Variants in SYNRG observed in about 807,000 individuals in gnomAD.
SYNRG encodes AP1 gamma subunit binding protein 1.
In SYNRG, 37 loss-of-function variants were observed where a neutral mutation model predicts 130.9. The ratio of observed to expected loss-of-function variants is 0.28; its 90% CI spans 0.22 to 0.37. The LOEUF is 0.37. Ranked by LOEUF, SYNRG falls within the 10% of genes least tolerant of loss-of-function variation. The probability of loss-of-function intolerance (pLI) is 1.00; values close to 1 mark genes in which losing one functional copy is unlikely to be tolerated. For missense variants in SYNRG, 1,338 were observed against 1,588.9 expected (o/e 0.84, Z 2.68); for synonymous variants, 539 against 568.1 (o/e 0.95, Z 0.73).
In SYNRG at chr17:37,542,083, T is replaced by C. The variant is rs761137284; in HGVS notation, c.3091A>G (p.Lys1031Glu). 1.9e-5 allele frequency: 30 copies of C among 1,614,224 alleles called. No homozygotes were observed. Among genetic ancestry groups the C allele is most frequent in the Non-Finnish European group, 2.5e-5 (29 of 1,180,038 alleles). ...SDDFGEFQSE[K>E]PKISKFDFLV... ...AAGTCAAATTTGCTGATTTTGGGCT[T>C]TTCACTTTGAAACTCTCCAAAGTCA... The change falls in exon 15 of 22, where the codon AAG (lysine) becomes GAG (glutamate). Residue 1031 changes from lysine to glutamate, a missense_variant. By Grantham distance (56) the Lys-to-Glu change is moderately conservative. Around this residue, in one of 3 missense-constraint regions of SYNRG, gnomAD observed 1,146 missense variants for 1,342.3 expected, o/e 0.85. Transcript: ENST00000612223.
In SYNRG at chr17:37,525,574, TG is replaced by T. The variant is rs2055738548; in HGVS notation, c.3667-4927del. Among the ~76,000 whole-genome samples the T allele has an allele frequency of 2.0e-5, 3 of 152,330 alleles. No individual in the cohort carries two copies. The South Asian group carries it at 6.2e-4, about 32-fold the overall frequency. Reference sequence around the variant, plus strand: ...AGCCGGGAGTATGGTGGCTCACACCTGTAACCCCAGCACTTTGGGAGGCCGA... The same window carrying T: ...AGCCGGGAGTATGGTGGCTCACACCTTAACCCCAGCACTTTGGGAGGCCGA... On this transcript the variant is annotated intron_variant, in intron 19 of 21. Coordinates refer to ENST00000612223, the MANE Select transcript of SYNRG (RefSeq NM_007247.6).
Position 37,561,505 on chromosome 17 carries a change from A to T in SYNRG, c.1566T>A (p.Ala522=). ...DKYAVFKGIA[A]DKSSENTVPP... is the part of the protein sequence containing the mutation. Reference sequence around the variant, plus strand: ...GAACAGTATTTTCAGAGGACTTGTCAGCTGCAATTCCTTTAAACACAGCAT... The same window carrying T: ...GAACAGTATTTTCAGAGGACTTGTCTGCTGCAATTCCTTTAAACACAGCAT... The change falls in exon 12 of 22, where the codon GCT becomes GCA. Residue 522 remains alanine (A), a synonymous_variant. Transcript: ENST00000612223. The T allele has an allele frequency of 6.2e-7, 1 of 1,613,880 alleles. No homozygotes were observed. The highest frequency in any genetic ancestry group is 8.5e-7 in the Non-Finnish European group (1 of 1,179,778).
intron 6 of SYNRG, among the ~76,000 whole-genome samples, chr17:37,578,537 T>C (rs1160442111): frequency 3.9e-5 from 6 of 152,112 alleles, no homozygotes; most frequent in Non-Finnish European, 8.8e-5. Context: ...TTCCACTAAC[T>C]CCTAGGGAGG....
chr17:37,607,626 T>C (rs963222642), intron 1 of SYNRG, among the ~76,000 whole-genome samples: 3 of 152,086 alleles, frequency 2.0e-5, no homozygotes, highest in African/African-American at 7.2e-5. Flanking sequence ...CCGTCTCTAC[T>C]AAAAATACAG....
Sources: allele counts gnomAD v4.1 joint callset (sites outside exome capture counted in the v4.1 genomes callset), GRCh38; gene constraint gnomAD v4.1.1; regional missense constraint gnomAD v4.1.1; transcripts MANE v1.5; gene names NCBI Gene and HGNC (gene_info 2026-07-23, HGNC 2026-07-21).